PLPP5: variants seen among roughly 807,000 people sequenced by gnomAD.
PLPP5 encodes diacylglycerol pyrophosphate like 1.
PLPP5 carries 29 observed loss-of-function variants against 23.6 expected under a neutral mutation model. That is an observed-to-expected ratio of 1.23 (90% CI 0.92 to 1.68). The LOEUF (loss-of-function observed/expected upper bound fraction) is 1.68. PLPP5 is among the 40% of genes most tolerant of loss of function. The probability of loss-of-function intolerance (pLI) is 0.00; values close to 1 mark genes in which losing one functional copy is unlikely to be tolerated. For synonymous variants in PLPP5, 143 were observed against 131.3 expected (o/e 1.09, Z -0.61); for missense variants, 315 against 332.1 (o/e 0.95, Z 0.40).
chr8:38,267,079 T>C, intron 5 of PLPP5, 188 bp downstream of exon 5: 1 of 1,442,042 alleles, frequency 6.9e-7, no homozygotes, highest in African/African-American at 1.4e-5. Flanking sequence ...AAACTACCTT[T>C]CTGTTCTGTA....
intron 5 of PLPP5, chr8:38,266,964 C>T: frequency 1.9e-6 from 2 of 1,065,836 alleles, no homozygotes; most frequent in Non-Finnish European, 1.2e-6. Flanking sequence ...CTTCAAAGTA[C>T]CTGACACATA....
At position 38,263,439 on chromosome 8, in the gene PLPP5, A is replaced by G. The variant is rs1246799332; in HGVS notation, c.*1005T>C. On this transcript the variant is annotated 3_prime_UTR_variant, in exon 7 of 7. Coordinates refer to ENST00000424479, the MANE Select transcript of PLPP5 (RefSeq NM_001102559.2). Reference sequence around the variant, plus strand: ...CATGAATGGAAGGAAAGAAGCTCACAAGTACAGTTATGGTCAAATGAGGTA... The same window carrying G: ...CATGAATGGAAGGAAAGAAGCTCACGAGTACAGTTATGGTCAAATGAGGTA... 5.1e-6 allele frequency: 5 copies of G among 985,432 alleles called. No homozygotes were observed. The East Asian group carries it at 4.5e-4, about 89-fold the overall frequency. The allele number at this position is 985,432 out of a possible 1,614,324, so 61.0% of individuals were successfully genotyped here. A position where few individuals can be genotyped will look rare whatever the true frequency, so the allele number is the denominator to read the frequency against.
intron 6 of PLPP5, chr8:38,264,948 T>A (rs990111439): frequency 3.7e-6 from 6 of 1,603,960 alleles, no homozygotes; most frequent in Non-Finnish European, 4.3e-6. Flanking sequence ...ATTTAAAGGG[T>A]CCTAGAGGAA....
At chr8:38,268,689 C>T (rs1035939113) in intron 2 of PLPP5, 193 bp downstream of exon 2, 1 of 1,432,938 alleles carries the variant, frequency 7.0e-7, no homozygotes, top group Non-Finnish European at 9.1e-7. Flanking sequence ...GTTGTCTCAG[C>T]CCAAAGAGGC....
chr8:38,268,641 C>A, intron 2 of PLPP5, 180 bp from the exon 3 acceptor site: 1 of 1,436,700 alleles, frequency 7.0e-7, no homozygotes, highest in South Asian at 1.5e-5. Flanking sequence ...GCTCGGGCCC[C>A]GGTACCTCAG....
chr8:38,268,763 G>C (rs1416712110), intron 2 of PLPP5, 119 bp downstream of exon 2: 7 of 1,436,780 alleles, frequency 4.9e-6, no homozygotes, highest in Non-Finnish European at 6.4e-6. Context: ...GGAACCCAGC[G>C]CACAGCAGCG....
At chr8:38,268,834 G>A in intron 2 of PLPP5, 48 bp downstream of exon 2, 1 of 1,485,522 alleles carries the variant, frequency 6.7e-7, no homozygotes, top group South Asian at 1.4e-5. Context: ...GGTGCCCGCG[G>A]GAAGCCGGGT....
chr8:38,268,553 C>A, intron 2 of PLPP5, 92 bp from the exon 3 acceptor site: 1 of 1,516,776 alleles, frequency 6.6e-7, no homozygotes, highest in Admixed American at 2.0e-5. Context: ...GCAGGACTCA[C>A]TGGAGCTAAC....
In PLPP5 at chr8:38,264,425, G is replaced by T. The variant is rs1484458562; in HGVS notation, c.*19C>A. 6 of 1,530,282 alleles carry T rather than the reference G, an allele frequency of 3.9e-6. No individual in the cohort carries two copies. The highest frequency in any genetic ancestry group is 2.5e-5 in the East Asian group (1 of 40,748). The allele number at this position is 1,530,282 out of a possible 1,614,324, so 94.8% of individuals were successfully genotyped here. A position where few individuals can be genotyped will look rare whatever the true frequency, so the allele number is the denominator to read the frequency against. On this transcript the variant is annotated 3_prime_UTR_variant, in exon 7 of 7. Transcript: ENST00000424479. ...TGGGATTACAGGCATGAGCCACCAC[G>T]CCCGGCCAGATTCAATTTTTAAATA... is the stretch of plus-strand genomic sequence containing the variant.
chr8:38,266,392 ATGAG>A, intron 5 of PLPP5, 81 bp from the exon 6 acceptor site: 2 of 1,258,288 alleles, frequency 1.6e-6, no homozygotes, highest in Non-Finnish European at 2.2e-6. Context: ...GCTAGGAAGC[ATGAG>A]TATGTTTTTA....
At chr8:38,267,434 A>G (rs1430571127) in intron 4 of PLPP5, 43 bp from the exon 5 acceptor site, 1 of 1,600,496 alleles carries the variant, frequency 6.2e-7, no homozygotes, top group African/African-American at 1.3e-5. Flanking sequence ...CATTAACTCC[A>G]GAAATTATTT....
Position 38,268,175 on chromosome 8 carries a change from T to C in PLPP5, c.274+196A>G, listed in dbSNP as rs764734443. Reference sequence around the variant, plus strand: ...TCTGAGGTACAAATAACCCAGTGCATTTAGGCACAGGGCTGCCTGCCGTGT... The same window carrying C: ...TCTGAGGTACAAATAACCCAGTGCACTTAGGCACAGGGCTGCCTGCCGTGT... On this transcript the variant is annotated intron_variant, in intron 3 of 6. Coordinates refer to ENST00000424479, the MANE Select transcript of PLPP5 (RefSeq NM_001102559.2). The C allele has an allele frequency of 3.2e-6, 4 of 1,237,146 alleles. No homozygotes were observed. The South Asian group carries it at 6.3e-5, about 19-fold the overall frequency. The allele number at this position is 1,237,146 out of a possible 1,614,324, so 76.6% of individuals were successfully genotyped here.
rs752920164 is a variant in PLPP5, at chr8:38,268,978, C to T, written c.87G>A (p.Leu29=). 3 of 1,572,964 alleles carry T rather than the reference C, an allele frequency of 1.9e-6. No homozygotes were observed. The South Asian group carries it at 3.4e-5, about 18-fold the overall frequency. The change falls in exon 2 of 7, where the codon CTG becomes CTA. Residue 29 remains leucine (L), a synonymous_variant. Transcript: ENST00000424479. ...GGATGAGTCTCTGGAACGGGGGGAG[C>T]AGCTCCGTCACCCTAGAGGGGAACA... ...ALFAAFLVTE[L]LPPFQRLIQP... is the part of the protein sequence containing the mutation.
At chr8:38,265,264 CAAAAAAAAAA>C (rs1228103198) in intron 6 of PLPP5, among the ~76,000 whole-genome samples, 2 of 71,016 alleles carry the variant, frequency 2.8e-5, no homozygotes, top group African/African-American at 1.1e-4. Context: ...GACTCTGTCT[CAAAAAAAAAA>C]AAAAAAAAAA....
At chr8:38,268,565 T>G in intron 2 of PLPP5, 104 bp from the exon 3 acceptor site, 2 of 1,499,312 alleles carry the variant, frequency 1.3e-6, no homozygotes, top group South Asian at 1.3e-5. Context: ...GGAGCTAACA[T>G]AAGGTCTCTG....
chr8:38,268,794 CA>C (rs1487670089), intron 2 of PLPP5, 87 bp downstream of exon 2: 2 of 1,447,530 alleles, frequency 1.4e-6, no homozygotes, highest in Non-Finnish European at 1.8e-6. Flanking sequence ...TGGGTCCCTA[CA>C]AAGGCCGTCT....
Position 38,267,252 on chromosome 8 carries a change from A to G in PLPP5, c.463+15T>C, listed in dbSNP as rs774616743. The stretch of plus-strand genomic sequence containing the variant: ...TGAAAACAAGCATAGGGTAGAGTCC[A>G]TATGATATTCATACAGGAAGAATGT... On this transcript the variant is annotated intron_variant, in intron 5 of 6. Coordinates refer to ENST00000424479, the MANE Select transcript of PLPP5 (RefSeq NM_001102559.2). The G allele has an allele frequency of 7.4e-6, 12 of 1,613,760 alleles. No individual in the cohort carries two copies. The East Asian group carries it at 2.5e-4, about 33-fold the overall frequency.
At chr8:38,268,136 A>AG in intron 3 of PLPP5, 176 bp from the exon 4 acceptor site, 1 of 1,399,976 alleles carries the variant, frequency 7.1e-7, no homozygotes, top group Non-Finnish European at 9.4e-7. Context: ...CTTTTGTACT[A>AG]GGCCAAAGAC....
intron 6 of PLPP5, 195 bp from the exon 7 acceptor site, chr8:38,264,799 G>T (rs1198409423): frequency 1.3e-6 from 2 of 1,520,994 alleles, no homozygotes; most frequent in Non-Finnish European, 1.8e-6. Flanking sequence ...TCATTGTCAG[G>T]TTGCTTTCTG....
Sources: gnomAD v4.1 joint callset for allele counts (sites outside exome capture counted in the v4.1 genomes callset) on GRCh38, gnomAD v4.1.1 for gene constraint, MANE v1.5 for transcripts, NCBI Gene and HGNC (gene_info 2026-07-23, HGNC 2026-07-21) for gene names.